The following IMMP2L variants were observed in gnomAD, a reference collection of about 807,000 sequenced individuals.
IMMP2L encodes the protein mitochondrial inner membrane protease subunit 2.
IMMP2L carries 18 observed loss-of-function variants against 19.3 expected under a neutral mutation model. The observed-to-expected ratio is 0.93, with a 90% CI of 0.64 to 1.38. The LOEUF (loss-of-function observed/expected upper bound fraction) is 1.38, where lower values mean the gene tolerates loss of function less well. IMMP2L is among the 40% of genes most tolerant of loss of function. The pLI is 0.00. For synonymous variants in IMMP2L, 76 were observed against 73.0 expected (o/e 1.04, Z -0.21); for missense variants, 233 against 218.2 (o/e 1.07, Z -0.43).
intron 3 of IMMP2L, among the ~76,000 whole-genome samples, chr7:111,377,900 T>C (rs1170442403): frequency 6.6e-6 from 1 of 152,048 alleles, no homozygotes; most frequent in Non-Finnish European, 1.5e-5. Flanking sequence ...AGTATTAATG[T>C]ACCATAATTG....
At chr7:111,169,082 G>A (rs955984206) in intron 3 of IMMP2L, among the ~76,000 whole-genome samples, 1 of 151,880 alleles carries the variant, frequency 6.6e-6, no homozygotes, top group Non-Finnish European at 1.5e-5. Context: ...TGCAAAAACA[G>A]CAATCATGTA....
intron 3 of IMMP2L, among the ~76,000 whole-genome samples, chr7:111,111,410 C>CA (rs1478043099): frequency 8.8e-5 from 13 of 148,500 alleles, no homozygotes; most frequent in Non-Finnish European, 1.2e-4. Context: ...CATCCCCCCC[C>CA]AAAAAAAAAT....
intron 3 of IMMP2L, among the ~76,000 whole-genome samples, chr7:111,207,535 T>G (rs13227463): frequency 7.7e-4 from 33 of 42,992 alleles, no homozygotes; most frequent in Admixed American, 1.1e-3. Flanking sequence ...TTATTTTTGG[T>G]TTTTTTTTTT....
chr7:110,843,887 C>T (rs1805363184), intron 5 of IMMP2L, among the ~76,000 whole-genome samples: 3 of 151,976 alleles, frequency 2.0e-5, no homozygotes, highest in East Asian at 1.9e-4. Context: ...GAGAGGGTGG[C>T]CAGGGTGGCT....
intron 5 of IMMP2L, among the ~76,000 whole-genome samples, chr7:110,798,072 G>C (rs1800984235): frequency 6.6e-6 from 1 of 151,798 alleles, no homozygotes; most frequent in Non-Finnish European, 1.5e-5. Flanking sequence ...AAAGCCATAA[G>C]AATCTTACAG....
intron 3 of IMMP2L, among the ~76,000 whole-genome samples, chr7:111,451,153 G>C (rs1308132434): frequency 6.9e-6 from 1 of 145,472 alleles, no homozygotes; most frequent in Non-Finnish European, 1.5e-5. Flanking sequence ...TCAGTGTGGC[G>C]ATTTCTCAGG....
rs200354863 is a variant in IMMP2L, at chr7:111,415,896, AC to A, written c.239+71341del. 5.4e-3 allele frequency among the ~76,000 whole-genome samples: 815 copies of A among 151,762 alleles called. 32 individuals carry two copies. The highest frequency in any genetic ancestry group is 0.019 in the African/African-American group (766 of 41,122). On this transcript the variant is annotated intron_variant, in intron 3 of 5. Transcript: ENST00000405709. ...ATACAGGTTTTAAACAACAACAACA[AC>A]AAAAAAACAGAAAAAAAATTTTGAA...
At chr7:110,705,109 A>G (rs113153426) in intron 5 of IMMP2L, among the ~76,000 whole-genome samples, 7,376 of 54,030 alleles carry the variant, frequency 0.14, 195 homozygotes, top group Middle Eastern at 0.17. Context: ...TATCAATGTC[A>G]TAAGAGATTA....
At chr7:111,027,154 C>G (rs17158266) in intron 3 of IMMP2L, among the ~76,000 whole-genome samples, 4,650 of 152,202 alleles carry the variant, frequency 0.031, 115 homozygotes, top group South Asian at 0.078. Flanking sequence ...TCAACGCCCA[C>G]TGCAGTTTCT....
chr7:111,557,880 G>C (rs773790512), intron 1 of IMMP2L, among the ~76,000 whole-genome samples: 35 of 151,424 alleles, frequency 2.3e-4, no homozygotes, highest in Non-Finnish European at 4.4e-4. Context: ...GTCAATGAAA[G>C]AACAAGAAAA....
chr7:110,996,650 G>A (rs762927302), intron 3 of IMMP2L, among the ~76,000 whole-genome samples: 40 of 151,518 alleles, frequency 2.6e-4, no homozygotes, highest in Non-Finnish European at 1.2e-4. Context: ...TTTTTTCTGA[G>A]TGAGCTACAA....
intron 4 of IMMP2L, among the ~76,000 whole-genome samples, chr7:110,928,944 G>T (rs1815176345): frequency 6.6e-6 from 1 of 152,072 alleles, no homozygotes; most frequent in Non-Finnish European, 1.5e-5. Context: ...ATCTCCACCT[G>T]GCCACAGTTT....
intron 1 of IMMP2L, among the ~76,000 whole-genome samples, chr7:111,531,166 AG>A (rs1847359271): frequency 6.6e-6 from 1 of 152,068 alleles, no homozygotes; most frequent in Non-Finnish European, 1.5e-5. Context: ...CATGTTAGCC[AG>A]GATGGTCTCA....
At chr7:111,018,688 T>C (rs997796616) in intron 3 of IMMP2L, among the ~76,000 whole-genome samples, 7 of 151,948 alleles carry the variant, frequency 4.6e-5, no homozygotes, top group Non-Finnish European at 7.4e-5. Context: ...GTTAAATGAT[T>C]TGCCCAATAC....
intron 1 of IMMP2L, among the ~76,000 whole-genome samples, chr7:111,543,122 A>G (rs1356786329): frequency 6.6e-6 from 1 of 152,126 alleles, no homozygotes; most frequent in Non-Finnish European, 1.5e-5. Flanking sequence ...TTAATACTAG[A>G]AAAACATTTT....
chr7:110,678,989 A>G (rs1792510929), intron 5 of IMMP2L, among the ~76,000 whole-genome samples: 1 of 152,130 alleles, frequency 6.6e-6, no homozygotes. Context: ...TTTAACTTTA[A>G]TCATTTCAAA....
intron 3 of IMMP2L, among the ~76,000 whole-genome samples, chr7:111,373,570 T>A (rs1477723566): frequency 6.6e-6 from 1 of 152,058 alleles, no homozygotes; most frequent in Non-Finnish European, 1.5e-5. Context: ...TTTCAATTTG[T>A]CTGTTTTCTT....
intron 4 of IMMP2L, among the ~76,000 whole-genome samples, chr7:110,897,857 G>T (rs1811478240): frequency 1.3e-5 from 2 of 152,072 alleles, no homozygotes. Context: ...TTGTAAAAAG[G>T]AAAGGTTTAA....
chr7:111,446,004 T>TA (rs200151008), intron 3 of IMMP2L, among the ~76,000 whole-genome samples: 3,103 of 152,000 alleles, frequency 0.02, 114 homozygotes, highest in African/African-American at 0.071. Flanking sequence ...CAGACCGGCT[T>TA]AAGAAACGGC....
Sources: gnomAD v4.1 joint callset for allele counts (sites outside exome capture counted in the v4.1 genomes callset) on GRCh38, gnomAD v4.1.1 for gene constraint, MANE v1.5 for transcripts, NCBI Gene and HGNC (gene_info 2026-07-23, HGNC 2026-07-21) for gene names.